The following DGCR2 variants were observed in gnomAD, a reference collection of about 807,000 sequenced individuals.
The protein encoded by DGCR2 is integral membrane protein DGCR2/IDD.
In DGCR2, 24 loss-of-function variants were observed where a neutral mutation model predicts 51.6. The ratio of observed to expected loss-of-function variants is 0.47; its 90% CI spans 0.34 to 0.65. The LOEUF (loss-of-function observed/expected upper bound fraction) is 0.65. Among genes scored for constraint, DGCR2 ranks in the 30% least tolerant of loss-of-function variants. DGCR2 has a pLI of 0.01. For missense variants in DGCR2, 765 were observed against 772.1 expected, an observed-to-expected ratio of 0.99 and a Z score of 0.11; for synonymous variants, 340 against 315.4, an observed-to-expected ratio of 1.08 and a Z score of -0.82.
At chr22:19,058,656 G>A (rs115788606) in intron 5 of DGCR2, among the ~76,000 whole-genome samples, 151 of 152,288 alleles carry the variant, frequency 9.9e-4, no homozygotes, top group African/African-American at 3.5e-3. Flanking sequence ...AATCTTCAGC[G>A]CTGAAGCTAG....
intron 2 of DGCR2, among the ~76,000 whole-genome samples, chr22:19,088,968 A>C (rs1302255769): frequency 1.3e-5 from 2 of 152,184 alleles, no homozygotes; most frequent in Non-Finnish European, 2.9e-5. Context: ...AGGGCGTGCC[A>C]AGGCCAGTCT....
chr22:19,114,420 G>A (rs1057346690), intron 1 of DGCR2, among the ~76,000 whole-genome samples: 5 of 152,348 alleles, frequency 3.3e-5, no homozygotes, highest in Non-Finnish European at 4.4e-5. Flanking sequence ...GGGGAAATCC[G>A]AAGAGCTGCT....
In DGCR2 at chr22:19,088,702, C is replaced by G. The variant is rs570424943; in HGVS notation, c.202+666G>C. Among the ~76,000 whole-genome samples the G allele has an allele frequency of 3.3e-5, 5 of 152,354 alleles. No homozygotes were observed. In the South Asian group the frequency reaches 8.3e-4, roughly 25 times the overall value. On this transcript the variant is annotated intron_variant, in intron 2 of 9. Coordinates refer to ENST00000263196, the MANE Select transcript of DGCR2 (RefSeq NM_005137.3). ...TGGATACATGTATATGTATGTCTCA[C>G]ACATTCACACACACATGCACAAGTA...
chr22:19,052,043 C>T lies in DGCR2; in HGVS notation c.803-3400G>A, dbSNP rs889802957. 7.9e-5 allele frequency among the ~76,000 whole-genome samples: 12 copies of T among 152,210 alleles called. 1 individual carries two copies. The highest frequency in any genetic ancestry group is 2.9e-4 in the African/African-American group (12 of 41,450). ...TACAGCCACTCTGGAAAACAATTTGCTTGTTTCTTTAAAAACTAAACCTGC... is the reference window on the plus strand; with the variant it reads ...TACAGCCACTCTGGAAAACAATTTGTTTGTTTCTTTAAAAACTAAACCTGC... On this transcript the variant is annotated intron_variant, in intron 6 of 9. Transcript: ENST00000263196.
intron 1 of DGCR2, among the ~76,000 whole-genome samples, chr22:19,096,755 G>A (rs555191132): frequency 6.6e-6 from 1 of 151,608 alleles, no homozygotes; most frequent in African/African-American, 2.4e-5. Context: ...TGTTGCCCAG[G>A]CCAGAGTGCA....
At chr22:19,063,137 G>A (rs1457821151) in intron 5 of DGCR2, 65 bp downstream of exon 5, 6 of 1,469,650 alleles carry the variant, frequency 4.1e-6, no homozygotes, top group South Asian at 2.3e-5. Flanking sequence ...GAGGGAGGAG[G>A]GGAGGCCCCG....
intron 2 of DGCR2, among the ~76,000 whole-genome samples, chr22:19,072,402 C>A (rs1342295162): frequency 6.6e-6 from 1 of 152,152 alleles, no homozygotes; most frequent in Non-Finnish European, 1.5e-5. Flanking sequence ...GTCCCTCAGC[C>A]ACATACAGCA....
chr22:19,060,322 A>G (rs556376386), intron 5 of DGCR2, among the ~76,000 whole-genome samples: 7 of 152,346 alleles, frequency 4.6e-5, no homozygotes, highest in Non-Finnish European at 7.3e-5. Flanking sequence ...GCACCAGAGA[A>G]AGAAGAAGAC....
intron 6 of DGCR2, among the ~76,000 whole-genome samples, chr22:19,051,655 G>A (rs1014223459): frequency 2.0e-5 from 3 of 152,190 alleles, no homozygotes; most frequent in Non-Finnish European, 2.9e-5. Context: ...GAGCCCGGGA[G>A]CTGGAGGTTA....
Position 19,038,779 on chromosome 22 carries a change from A to G in DGCR2, c.*86T>C. On this transcript the variant is annotated 3_prime_UTR_variant, in exon 10 of 10. Coordinates refer to ENST00000263196, the MANE Select transcript of DGCR2 (RefSeq NM_005137.3). ...GGCAGTGCGTGGCGTCCAGGCTGGG[A>G]CAGGGGCCTTTCAAGTCTCCCCAGG... The G allele has an allele frequency of 6.5e-7, 1 of 1,540,506 alleles. No homozygotes were observed. Among genetic ancestry groups the G allele is most frequent in the Non-Finnish European group, 8.8e-7 (1 of 1,134,176 alleles).
In DGCR2 at chr22:19,036,730, G is replaced by GAGTGCTTGTGGAGGCCCA. The variant is rs375602542; in HGVS notation, c.*2117_*2134dup. 6 of 147,580 alleles carry GAGTGCTTGTGGAGGCCCA rather than the reference G, an allele frequency of 4.1e-5. 1 individual carries two copies. The highest frequency in any genetic ancestry group is 2.1e-4 in the South Asian group (1 of 4,752). The allele number at this position is 147,580 out of a possible 1,614,324, so 9.1% of individuals were successfully genotyped here. A position where few individuals can be genotyped will look rare whatever the true frequency, so the allele number is the denominator to read the frequency against. On this transcript the variant is annotated 3_prime_UTR_variant, in exon 10 of 10. Coordinates refer to ENST00000263196, the MANE Select transcript of DGCR2 (RefSeq NM_005137.3). The stretch of plus-strand genomic sequence containing the variant: ...GCCTGGCCCAACGTGCCAGTGGCCT[G>GAGTGCTTGTGGAGGCCCA]AGTGCTTGTGGAGGCCCATGGGGAA...
At chr22:19,039,541 C>T (rs2082408536) in intron 9 of DGCR2, among the ~76,000 whole-genome samples, 5 of 152,136 alleles carry the variant, frequency 3.3e-5, no homozygotes, top group Admixed American at 3.3e-4. Context: ...GCACTGGGCC[C>T]AGGTGGGTGG....
Position 19,038,490 on chromosome 22 carries a change from G to T in DGCR2, c.*375C>A. 1 of 238,432 alleles carries T rather than the reference G, an allele frequency of 4.2e-6. No individual in the cohort carries two copies. Among genetic ancestry groups the T allele is most frequent in the Non-Finnish European group, 8.2e-6 (1 of 121,216 alleles). 14.8% of individuals were successfully genotyped at this position (238,432 alleles called of 1,614,324 possible). ...CCAGACTGGGTCAGCAGGTCTCTCT[G>T]GACAGCACACTGCACCAAGTAAGCC... On this transcript the variant is annotated 3_prime_UTR_variant, in exon 10 of 10. Transcript: ENST00000263196.
At chr22:19,079,367 T>C (rs558430561) in intron 2 of DGCR2, among the ~76,000 whole-genome samples, 1 of 152,312 alleles carries the variant, frequency 6.6e-6, no homozygotes, top group South Asian at 2.1e-4. Flanking sequence ...TCAATCTGTA[T>C]TTTGAATGTG....
At chr22:19,095,766 T>C (rs954559672) in intron 1 of DGCR2, among the ~76,000 whole-genome samples, 3 of 152,084 alleles carry the variant, frequency 2.0e-5, no homozygotes, top group Admixed American at 2.0e-4. Context: ...AATAGATTTC[T>C]GTTTAAAAAA....
intron 1 of DGCR2, among the ~76,000 whole-genome samples, chr22:19,112,222 G>A (rs1436076156): frequency 2.0e-5 from 3 of 149,906 alleles, no homozygotes; most frequent in African/African-American, 4.9e-5. Flanking sequence ...ACAGTGAGCC[G>A]AGGTCGCACC....
chr22:19,068,008 A>G, intron 3 of DGCR2, 92 bp downstream of exon 3: 1 of 1,415,334 alleles, frequency 7.1e-7, no homozygotes. Context: ...GCTTTGAGAA[A>G]CCCCTCACGC....
At chr22:19,042,052 T>C (rs2082439051) in intron 7 of DGCR2, 93 bp from the exon 8 acceptor site, 1 of 1,452,678 alleles carries the variant, frequency 6.9e-7, no homozygotes, top group Non-Finnish European at 9.2e-7. Context: ...AGGCGGGCTG[T>C]GTGGACAAGG....
At chr22:19,094,427 CAAACAAAAACAA>C (rs966005464) in intron 1 of DGCR2, among the ~76,000 whole-genome samples, 5 of 124,884 alleles carry the variant, frequency 4.0e-5, no homozygotes, top group African/African-American at 1.3e-4. Context: ...TCCGTCTCAA[CAAACAAAAACAA>C]AAACAAAAAA....
Sources: gnomAD v4.1 joint callset for allele counts (sites outside exome capture counted in the v4.1 genomes callset) on GRCh38, gnomAD v4.1.1 for gene constraint, MANE v1.5 for transcripts, NCBI Gene and HGNC (gene_info 2026-07-23, HGNC 2026-07-21) for gene names.